The following KLK5 variants were observed in gnomAD, a reference collection of about 807,000 sequenced individuals.
KLK5 encodes the protein kallikrein-5.
A neutral mutation model predicts 24.0 loss-of-function variants in KLK5; 18 were observed. That is an observed-to-expected ratio of 0.75 (90% CI 0.52 to 1.11). The LOEUF (loss-of-function observed/expected upper bound fraction) is 1.11, where lower values mean the gene tolerates loss of function less well. KLK5 is among the 50% of genes most tolerant of loss of function. The pLI, the probability that KLK5 is intolerant of heterozygous loss-of-function variation, is 0.00. For synonymous variants in KLK5, 140 were observed against 154.0 expected, an observed-to-expected ratio of 0.91 and a Z score of 0.67; for missense variants, 374 against 379.2, an observed-to-expected ratio of 0.99 and a Z score of 0.11.
At position 50,945,028 on chromosome 19, in the gene KLK5, C is replaced by A. The variant is rs190058496; in HGVS notation, c.727-1242G>T. Among the ~76,000 whole-genome samples the A allele has an allele frequency of 8.8e-3, 1,245 of 141,950 alleles. 9 individuals carry two copies. The highest frequency in any genetic ancestry group is 0.019 in the Middle Eastern group (5 of 268). 93.1% of individuals were successfully genotyped at this position (141,950 alleles called of 152,430 possible). On this transcript the variant is annotated intron_variant, in intron 5 of 5. Transcript: ENST00000336334. ...TTTCTTCCTTTCTTTCTCCTTCCTTCCTTCCTTTCTTTCTCCTTCCTTCCT... is the reference window on the plus strand; with the variant it reads ...TTTCTTCCTTTCTTTCTCCTTCCTTACTTCCTTTCTTTCTCCTTCCTTCCT...
intron 3 of KLK5, 58 bp downstream of exon 3, chr19:50,949,779 ACCCCCACCCCCACTTCCC>A: frequency 6.9e-6 from 2 of 288,714 alleles, no homozygotes; most frequent in Non-Finnish European, 1.1e-5. Flanking sequence ...CCTCCATGAC[ACCCCCACCCCCACTTCCC>A]CACCCCCACC....
At chr19:50,948,552 A>G in intron 5 of KLK5, 88 bp downstream of exon 5, 3 of 1,378,488 alleles carry the variant, frequency 2.2e-6, no homozygotes, top group Non-Finnish European at 1.0e-6. Context: ...TGTCTTGGCA[A>G]TTGCTGGATT....
chr19:50,948,922 G>A lies in KLK5; in HGVS notation c.529C>T (p.His177Tyr), dbSNP rs2090659151. Reference sequence around the variant, plus strand: ...CACTTTGTCCCAGCAGAGGGACAATGAGAGGAGACGTTGATGGGTCTGACA... The same window carrying A: ...CACTTTGTCCCAGCAGAGGGACAATAAGAGGAGACGTTGATGGGTCTGACA... The part of the protein sequence containing the change: ...KDVRPINVSS[H>Y]CPSAGTKCLV... Residue 177 changes from histidine to tyrosine, a missense_variant, in exon 4 of 6, where the codon CAT becomes TAT. By Grantham distance (83) the His-to-Tyr change is moderately conservative. Transcript: ENST00000336334. 1 of 1,614,102 alleles carries A rather than the reference G, an allele frequency of 6.2e-7. No individual in the cohort carries two copies. Among genetic ancestry groups the A allele is most frequent in the Non-Finnish European group, 8.5e-7 (1 of 1,180,018 alleles).
intron 5 of KLK5, among the ~76,000 whole-genome samples, chr19:50,948,064 A>T (rs1309529021): frequency 2.0e-5 from 3 of 152,054 alleles, no homozygotes; most frequent in African/African-American, 7.2e-5. Flanking sequence ...CTTTGAAATG[A>T]TTGTATTTGG....
chr19:50,945,097 C>T (rs943245585), intron 5 of KLK5, among the ~76,000 whole-genome samples: 1 of 145,358 alleles, frequency 6.9e-6, no homozygotes, highest in East Asian at 2.1e-4. Context: ...TTCCTCCCTT[C>T]GTCTCTTTTT....
chr19:50,952,270 C>T (rs1164359446), intron 2 of KLK5, among the ~76,000 whole-genome samples: 2 of 126,110 alleles, frequency 1.6e-5, no homozygotes, highest in Admixed American at 8.3e-5. Flanking sequence ...CATGCATTCA[C>T]CCACACAGCT....
Position 50,943,744 on chromosome 19 carries a change from C to A in KLK5, c.769G>T (p.Gly257Ter). 2.5e-6 allele frequency: 4 copies of A among 1,613,834 alleles called. No homozygotes were observed. Among genetic ancestry groups the A allele is most frequent in the Admixed American group, 1.7e-5 (1 of 59,982 alleles). The change falls in exon 6 of 6, where the codon GGA becomes TGA. Residue 257 changes from glycine to a stop codon, truncating the protein, a stop_gained. Transcript: ENST00000336334. LOFTEE classifies it low-confidence loss of function (END_TRUNC). Reference sequence around the variant, plus strand: ...GGGTAATCTCCCCAGGACACGAGTCCCTGCAGGGAGCCATTGCAGACCACA... The same window carrying A: ...GGGTAATCTCCCCAGGACACGAGTCACTGCAGGGAGCCATTGCAGACCACA... ...GPVVCNGSLQGLVSWGDYPCA... is the reference protein window; with the variant it reads ...GPVVCNGSLQ
rs8104840 is a variant in KLK5 at position 50,949,031 on chromosome 19, G to A, written c.420C>T (p.Ile140=). The change falls in exon 4 of 6, where the codon ATC becomes ATT. Residue 140 remains isoleucine, a synonymous_variant. Coordinates refer to ENST00000336334, the MANE Select transcript of KLK5 (RefSeq NM_012427.5). Reference sequence around the variant, plus strand: ...CAGGGTGGGAGTAGCCAGGGTGGGGGATGGATTTGACCCCCTGGAACATCT... The same window carrying A: ...CAGGGTGGGAGTAGCCAGGGTGGGGAATGGATTTGACCCCCTGGAACATCT... ...GQQMFQGVKS[I]PHPGYSHPGH... The A allele has an allele frequency of 1.2e-6, 2 of 1,613,744 alleles. No individual in the cohort carries two copies. Among genetic ancestry groups the A allele is most frequent in the African/African-American group, 2.7e-5 (2 of 74,844 alleles).
chr19:50,946,769 C>T (rs1232143281), intron 5 of KLK5, among the ~76,000 whole-genome samples: 2 of 152,126 alleles, frequency 1.3e-5, no homozygotes, highest in Non-Finnish European at 2.9e-5. Context: ...CCGTGTCAGC[C>T]AGGATGGTCT....
At chr19:50,951,861 T>A (rs1244025588) in intron 2 of KLK5, among the ~76,000 whole-genome samples, 1 of 152,104 alleles carries the variant, frequency 6.6e-6, no homozygotes, top group African/African-American at 2.4e-5. Flanking sequence ...AGGCACACAC[T>A]GCAAGTCAGT....
At position 50,947,422 on chromosome 19, in the gene KLK5, A is replaced by G. The variant is rs10409107; in HGVS notation, c.726+1218T>C. Among the ~76,000 whole-genome samples, 134,489 of 152,150 alleles carry G rather than the reference A, an allele frequency of 0.88. 59,638 individuals are homozygous for G. Among genetic ancestry groups the G allele is most frequent in the East Asian group, 0.94 (4,885 of 5,172 alleles). On this transcript the variant is annotated intron_variant, in intron 5 of 5. Coordinates refer to ENST00000336334, the MANE Select transcript of KLK5 (RefSeq NM_012427.5). This position sits in a 1 kb window ranked among gnomAD's most constrained non-coding sequence, Gnocchi z 8.7. ...CTTTGTGTCATCCATTCTCTGCTCA[A>G]ATGCCACCTCTCCAAGGAGGCTCCC...
chr19:50,950,413 G>A (rs1266621768), intron 2 of KLK5: 11 of 455,966 alleles, frequency 2.4e-5, no homozygotes, highest in Admixed American at 6.9e-5. Flanking sequence ...CTCAGGGGTA[G>A]TGCCAAAGCT....
rs554176693 is a variant in KLK5, at chr19:50,944,285, C to T, written c.727-499G>A. On this transcript the variant is annotated intron_variant, in intron 5 of 5. Transcript: ENST00000336334. ...GCCTCCAAAGTGTTGGGATTACAGGCGTGAGCCACCATGCCTGGCCTCCAA... is the reference window on the plus strand; with the variant it reads ...GCCTCCAAAGTGTTGGGATTACAGGTGTGAGCCACCATGCCTGGCCTCCAA... Among the ~76,000 whole-genome samples, 7 of 152,200 alleles carry T rather than the reference C, an allele frequency of 4.6e-5. No homozygotes were observed. In the South Asian group the frequency reaches 6.2e-4, roughly 14 times the overall value.
At chr19:50,946,362 A>G (rs1600070133) in intron 5 of KLK5, among the ~76,000 whole-genome samples, 1 of 152,248 alleles carries the variant, frequency 6.6e-6, no homozygotes, top group East Asian at 1.9e-4. Context: ...TTATTTTTAT[A>G]CTATTGGTAT....
chr19:50,946,903 C>A (rs73932688), intron 5 of KLK5, among the ~76,000 whole-genome samples: 83 of 151,926 alleles, frequency 5.5e-4, no homozygotes, highest in African/African-American at 2.0e-3. Context: ...TCGCAACCCA[C>A]CCCCCCACAC....
chr19:50,945,792 A>AAAAAGAAAAGAAAAGAAAATAAAAG (rs2090627285), intron 5 of KLK5, among the ~76,000 whole-genome samples: 1 of 149,216 alleles, frequency 6.7e-6, no homozygotes, highest in East Asian at 2.0e-4. Context: ...CTCCGTCTCA[A>AAAAAGAAAAGAAAAGAAAATAAAAG]AAAAGAAAAG....
In KLK5 at chr19:50,943,337, G is replaced by T; in HGVS notation, c.*294C>A. On this transcript the variant is annotated 3_prime_UTR_variant, in exon 6 of 6. Coordinates refer to ENST00000336334, the MANE Select transcript of KLK5 (RefSeq NM_012427.5). ...TCAGTTTATTTCTGGGACTAAATTT[G>T]GGTCAGAGCTGCAGAGAAGGGATGG... 1 of 260,130 alleles carries T rather than the reference G, an allele frequency of 3.8e-6. No homozygotes were observed. The highest frequency in any genetic ancestry group is 7.3e-6 in the Non-Finnish European group (1 of 137,496). The allele number at this position is 260,130 out of a possible 1,614,324, so 16.1% of individuals were successfully genotyped here. A position where few individuals can be genotyped will look rare whatever the true frequency, so the allele number is the denominator to read the frequency against.
At chr19:50,946,696 A>T (rs1468033300) in intron 5 of KLK5, among the ~76,000 whole-genome samples, 1 of 151,882 alleles carries the variant, frequency 6.6e-6, no homozygotes, top group Non-Finnish European at 1.5e-5. Context: ...AGTAGCTGGG[A>T]CTACAGGCGC....
At chr19:50,950,292 C>G in intron 2 of KLK5, 176 bp from the exon 3 acceptor site, 2 of 636,568 alleles carry the variant, frequency 3.1e-6, no homozygotes, top group Non-Finnish European at 5.5e-6. Context: ...AGCTCAAGGA[C>G]AGAGCCCAGG....
Sources: allele counts gnomAD v4.1 joint callset (sites outside exome capture counted in the v4.1 genomes callset), GRCh38; gene constraint gnomAD v4.1.1; non-coding constraint Gnocchi (gnomAD v3.1); transcripts MANE v1.5; gene names NCBI Gene and HGNC (gene_info 2026-07-23, HGNC 2026-07-21).